Variants in LRFN2 observed in about 807,000 individuals in gnomAD.
LRFN2 encodes the protein leucine-rich repeat and fibronectin type-III domain-containing protein 2.
In LRFN2, 18 loss-of-function variants were observed where a neutral mutation model predicts 37.3. The observed-to-expected ratio is 0.48, with a 90% CI of 0.33 to 0.72. The LOEUF (loss-of-function observed/expected upper bound fraction) is 0.72, where lower values mean the gene tolerates loss of function less well. Among genes scored for constraint, LRFN2 ranks in the 30% least tolerant of loss-of-function variants. The probability of loss-of-function intolerance (pLI) is 0.02; values close to 1 mark genes in which losing one functional copy is unlikely to be tolerated. For synonymous variants in LRFN2, 556 were observed against 466.6 expected (o/e 1.19, Z -2.47); for missense variants, 1,006 against 1,060.7 (o/e 0.95, Z 0.72).
At chr6:40,411,124 T>A (rs1399710974) in intron 2 of LRFN2, among the ~76,000 whole-genome samples, 1 of 152,074 alleles carries the variant, frequency 6.6e-6, no homozygotes, top group African/African-American at 2.4e-5. Context: ...TTTCTGGGAG[T>A]CTCTCCAGCA....
intron 1 of LRFN2, among the ~76,000 whole-genome samples, chr6:40,556,039 C>T (rs2894430): frequency 2.6e-5 from 4 of 151,888 alleles, no homozygotes; most frequent in Non-Finnish European, 4.4e-5. Context: ...TCCAGGCACA[C>T]GCCGACCGTC....
intron 1 of LRFN2, among the ~76,000 whole-genome samples, chr6:40,462,130 C>G (rs1244042889): frequency 6.6e-6 from 1 of 152,166 alleles, no homozygotes; most frequent in African/African-American, 2.4e-5. Flanking sequence ...GCCACCTCAG[C>G]TAAAACCAAT....
At chr6:40,439,836 G>T (rs1402044469) in intron 1 of LRFN2, among the ~76,000 whole-genome samples, 1 of 152,196 alleles carries the variant, frequency 6.6e-6, no homozygotes, top group African/African-American at 2.4e-5. Flanking sequence ...CACTCTGACA[G>T]GGGAGGCATA....
intron 1 of LRFN2, among the ~76,000 whole-genome samples, chr6:40,481,985 C>A (rs190814258): frequency 2.1e-4 from 32 of 152,316 alleles, no homozygotes; most frequent in African/African-American, 6.7e-4. Context: ...TAGCCATTGT[C>A]CTCATTTCAC....
Position 40,392,697 on chromosome 6 carries a change from C to T in LRFN2, c.1616G>A (p.Gly539Glu), listed in dbSNP as rs1762538287. 1 of 1,614,060 alleles carries T rather than the reference C, an allele frequency of 6.2e-7. No homozygotes were observed. The highest frequency in any genetic ancestry group is 8.5e-7 in the Non-Finnish European group (1 of 1,180,004). The part of the protein sequence containing the change: ...ILGGTMILVI[G>E]GIIVATLLVF... ...CAGCAGCGTGGCCACGATGATGCCC[C>T]CGATGACCAGGATCATGGTGCCGCC... Residue 539 changes from glycine (G) to glutamate (E), a missense_variant, in exon 3 of 3, where the codon GGG (glycine) becomes GAG (glutamate). Coordinates refer to ENST00000338305, the MANE Select transcript of LRFN2 (RefSeq NM_020737.3). The surrounding 1 kb of genome is among the most constrained non-coding windows in gnomAD (Gnocchi z 4.7).
intron 1 of LRFN2, among the ~76,000 whole-genome samples, chr6:40,535,140 T>C (rs1295900214): frequency 6.6e-6 from 1 of 152,174 alleles, no homozygotes; most frequent in Non-Finnish European, 1.5e-5. Context: ...AGAGTTTCTA[T>C]AGCATGGGAA....
intron 1 of LRFN2, among the ~76,000 whole-genome samples, chr6:40,548,153 T>C (rs1384223342): frequency 1.3e-5 from 2 of 152,172 alleles, no homozygotes; most frequent in African/African-American, 4.8e-5. Flanking sequence ...ATAAAAATAG[T>C]ACCTGGCTGG....
rs1475533578 is a variant in LRFN2, at chr6:40,558,253, G to A, written c.-19+28688C>T. On this transcript the variant is annotated intron_variant, in intron 1 of 2. Transcript: ENST00000338305. ...CCTCCTCTCCCTGTGGATCTAGGCA[G>A]GAGCAGCCAGCAGCCTGTGTCCCCT... 3.9e-5 allele frequency among the ~76,000 whole-genome samples: 6 copies of A among 152,330 alleles called. No individual in the cohort carries two copies. In the East Asian group the frequency reaches 1.2e-3, roughly 29 times the overall value.
chr6:40,484,846 T>G (rs773237713), intron 1 of LRFN2, among the ~76,000 whole-genome samples: 2 of 152,104 alleles, frequency 1.3e-5, no homozygotes, highest in Non-Finnish European at 2.9e-5. Context: ...CAGGTGAGAG[T>G]TGCCCAGGTG....
chr6:40,578,468 T>C (rs1175512504), intron 1 of LRFN2, among the ~76,000 whole-genome samples: 1 of 152,198 alleles, frequency 6.6e-6, no homozygotes, highest in Admixed American at 6.5e-5. Context: ...TTCCCCTTTA[T>C]GCAAAGTGGT....
At chr6:40,543,922 AGGACTT>A (rs1766604835) in intron 1 of LRFN2, among the ~76,000 whole-genome samples, 1 of 152,192 alleles carries the variant, frequency 6.6e-6, no homozygotes, top group Non-Finnish European at 1.5e-5. Context: ...AAGCCTGAGA[AGGACTT>A]GGGCCTGACA....
At chr6:40,573,406 C>T (rs1480081046) in intron 1 of LRFN2, among the ~76,000 whole-genome samples, 1 of 152,200 alleles carries the variant, frequency 6.6e-6, no homozygotes, top group Admixed American at 6.5e-5. Flanking sequence ...GTGCATTACT[C>T]GACCTCTGTG....
chr6:40,453,513 A>AACACACACACACACACAC (rs5875719), intron 1 of LRFN2, among the ~76,000 whole-genome samples: 2 of 119,740 alleles, frequency 1.7e-5, no homozygotes, highest in Non-Finnish European at 3.6e-5. Flanking sequence ...CCCCAAGCCA[A>AACACACACACACACACAC]ACACACACAC....
intron 1 of LRFN2, among the ~76,000 whole-genome samples, chr6:40,500,971 G>A (rs1470751536): frequency 7.3e-6 from 1 of 137,594 alleles, no homozygotes; most frequent in Non-Finnish European, 1.5e-5. Context: ...TTTTTGCATT[G>A]AGCATATATT....
chr6:40,581,683 G>A (rs981571004), intron 1 of LRFN2, among the ~76,000 whole-genome samples: 12 of 152,214 alleles, frequency 7.9e-5, no homozygotes, highest in African/African-American at 2.9e-4. Flanking sequence ...TACAGTCATT[G>A]TTAGGCATTT....
intron 1 of LRFN2, among the ~76,000 whole-genome samples, chr6:40,572,671 T>G (rs999753752): frequency 6.6e-6 from 1 of 152,206 alleles, no homozygotes; most frequent in African/African-American, 2.4e-5. Context: ...TCTGTTTATT[T>G]AGTTGCCTTA....
intron 1 of LRFN2, among the ~76,000 whole-genome samples, chr6:40,493,764 G>C (rs1033812973): frequency 6.6e-6 from 1 of 152,210 alleles, no homozygotes; most frequent in African/African-American, 2.4e-5. Context: ...CTCACCTCCA[G>C]ACACTAACTT....
At chr6:40,497,378 C>CGTCT (rs1323576661) in intron 1 of LRFN2, among the ~76,000 whole-genome samples, 1 of 152,154 alleles carries the variant, frequency 6.6e-6, no homozygotes, top group Middle Eastern at 3.2e-3. Flanking sequence ...GGCTCTACAT[C>CGTCT]GTCTTTTCTG....
intron 1 of LRFN2, among the ~76,000 whole-genome samples, chr6:40,575,675 T>A (rs1767264475): frequency 6.6e-6 from 1 of 152,174 alleles, no homozygotes; most frequent in Non-Finnish European, 1.5e-5. Context: ...AGAATGCCTC[T>A]TGTAGTACCA....
Sources: allele counts gnomAD v4.1 joint callset (sites outside exome capture counted in the v4.1 genomes callset), GRCh38; gene constraint gnomAD v4.1.1; non-coding constraint Gnocchi (gnomAD v3.1); transcripts MANE v1.5; gene names NCBI Gene and HGNC (gene_info 2026-07-23, HGNC 2026-07-21).